Variants in COPG1 observed in about 807,000 individuals in gnomAD.
COPG1 encodes the protein coatomer subunit gamma-1.
Under a neutral mutation model 102.8 loss-of-function variants are expected in COPG1, and 29 were observed. The ratio of observed to expected loss-of-function variants is 0.28; its 90% CI spans 0.21 to 0.38. The LOEUF is 0.38. COPG1 is among the 10% of genes least tolerant of loss of function. The pLI is 1.00. For synonymous variants in COPG1, 406 were observed against 421.6 expected, an observed-to-expected ratio of 0.96 and a Z score of 0.45; for missense variants, 875 against 1,132.7, an observed-to-expected ratio of 0.77 and a Z score of 3.27.
chr3:129,268,068 T>C (rs370470323), intron 16 of COPG1, 28 bp downstream of exon 16: 1 of 1,558,456 alleles, frequency 6.4e-7, no homozygotes, highest in South Asian at 1.1e-5. Flanking sequence ...TATCTTGGAC[T>C]CAGCACCTTA....
At chr3:129,254,189 G>C in intron 5 of COPG1, 1 of 153,026 alleles carries the variant, frequency 6.5e-6, no homozygotes, top group Non-Finnish European at 1.5e-5. Context: ...CCCAGCTGCT[G>C]GGGAGGCTGA....
chr3:129,249,656 C>T lies in COPG1; in HGVS notation c.-54C>T, dbSNP rs369893163. The stretch of plus-strand genomic sequence containing the variant: ...TAGAACCACTGTGGCACCGCTACTC[C>T]GTGCCGCGCCCGTCGAGCATTGCGT... On this transcript the variant is annotated 5_prime_UTR_variant, in exon 1 of 24. Coordinates refer to ENST00000314797, the MANE Select transcript of COPG1 (RefSeq NM_016128.4). 1.9e-4 allele frequency: 295 copies of T among 1,545,540 alleles called. 3 individuals carry two copies. In the African/African-American group the frequency reaches 1.9e-3, roughly 10 times the overall value.
Position 129,268,631 on chromosome 3 carries a change from T to C in COPG1, c.1774+11T>C, listed in dbSNP as rs748056150. On this transcript the variant is annotated intron_variant, in intron 17 of 23. Coordinates refer to ENST00000314797, the MANE Select transcript of COPG1 (RefSeq NM_016128.4). ...CAGAGCAGAGAACAGGTAACACTTA[T>C]ACTCCTCCCAGAGGCCATCAAGGCC... is the stretch of plus-strand genomic sequence containing the variant. The C allele has an allele frequency of 5.0e-6, 8 of 1,613,658 alleles. No homozygotes were observed. The highest frequency in any genetic ancestry group is 1.7e-5 in the Admixed American group (1 of 59,972).
chr3:129,254,701 C>T lies in COPG1; in HGVS notation c.357C>T (p.Asn119=), dbSNP rs1210015644. The T allele has an allele frequency of 1.2e-6, 2 of 1,614,054 alleles. No homozygotes were observed. Among genetic ancestry groups the T allele is most frequent in the Non-Finnish European group, 1.7e-6 (2 of 1,180,034 alleles). ...LTKDMTGKED[N]YRGPAVRALC... Reference sequence around the variant, plus strand: ...AAGACATGACTGGGAAAGAAGACAACTACCGGGGCCCGGCCGTGCGAGCCC... The same window carrying T: ...AAGACATGACTGGGAAAGAAGACAATTACCGGGGCCCGGCCGTGCGAGCCC... The change falls in exon 6 of 24, where the codon AAC becomes AAT. Residue 119 remains asparagine (N), a synonymous_variant. Coordinates refer to ENST00000314797, the MANE Select transcript of COPG1 (RefSeq NM_016128.4).
At chr3:129,250,980 G>T in intron 2 of COPG1, 1 of 377,848 alleles carries the variant, frequency 2.6e-6, no homozygotes, top group Non-Finnish European at 4.8e-6. Context: ...CTGGAGTGCA[G>T]TGGCGTGATC....
At chr3:129,274,811 G>C in intron 21 of COPG1, 27 bp from the exon 22 acceptor site, 1 of 1,613,202 alleles carries the variant, frequency 6.2e-7, no homozygotes, top group Non-Finnish European at 8.5e-7. Context: ...GTAGATGGGT[G>C]CCTGATTTCT....
chr3:129,276,004 C>T (rs983013458), intron 23 of COPG1, among the ~76,000 whole-genome samples: 1 of 152,036 alleles, frequency 6.6e-6, no homozygotes, highest in African/African-American at 2.4e-5. Context: ...ACACAGTTTA[C>T]TTTGCATGTG....
intron 21 of COPG1, chr3:129,274,051 T>A (rs1245266674): frequency 4.4e-6 from 2 of 456,186 alleles, no homozygotes; most frequent in African/African-American, 2.0e-5. Flanking sequence ...CATTCGCCAT[T>A]GTGTCATCCT....
chr3:129,272,400 G>C lies in COPG1; in HGVS notation c.2143G>C (p.Glu715Gln), dbSNP rs778077586. ...TCYTLVALPK[E>Q]DPTAVACTFS... ...CTACACACTGGTGGCACTGCCCAAAGAAGACCCCACAGCTGGTGAGCCCCT... is the reference window on the plus strand; with the variant it reads ...CTACACACTGGTGGCACTGCCCAAACAAGACCCCACAGCTGGTGAGCCCCT... Residue 715 changes from glutamate (E) to glutamine (Q), a missense_variant, in exon 20 of 24, where the codon GAA becomes CAA. Glu to Gln is a conservative substitution (Grantham distance 29). Transcript: ENST00000314797. 1.6e-5 allele frequency: 26 copies of C among 1,613,590 alleles called. No homozygotes were observed. The highest frequency in any genetic ancestry group is 2.7e-5 in the African/African-American group (2 of 74,892).
At chr3:129,263,511 A>G (rs1035995430) in intron 12 of COPG1, among the ~76,000 whole-genome samples, 2 of 152,208 alleles carry the variant, frequency 1.3e-5, no homozygotes, top group African/African-American at 4.8e-5. Flanking sequence ...AGAAGCGGCC[A>G]AGGACAGAAT....
intron 2 of COPG1, among the ~76,000 whole-genome samples, chr3:129,251,072 C>T (rs1300703194): frequency 2.6e-5 from 4 of 151,200 alleles, no homozygotes; most frequent in African/African-American, 4.9e-5. Context: ...TACAGACGCC[C>T]GCCACCACAC....
In COPG1 at chr3:129,277,560, T is replaced by A. The variant is rs1940301518; in HGVS notation, c.*136T>A. ...TTAGGAATCATTGCAGATTTTTTTT[T>A]ATTCTGCTCCCACCTCCCACCCGGG... On this transcript the variant is annotated 3_prime_UTR_variant, in exon 24 of 24. Transcript: ENST00000314797. The A allele has an allele frequency of 3.1e-6, 3 of 971,254 alleles. No homozygotes were observed. The highest frequency in any genetic ancestry group is 3.0e-6 in the Non-Finnish European group (2 of 674,666). 60.2% of individuals were successfully genotyped at this position (971,254 alleles called of 1,614,324 possible). A position where few individuals can be genotyped will look rare whatever the true frequency, so the allele number is the denominator to read the frequency against.
chr3:129,255,241 C>T (rs931486877), intron 7 of COPG1, among the ~76,000 whole-genome samples, 164 bp downstream of exon 7: 2 of 151,744 alleles, frequency 1.3e-5, no homozygotes, highest in African/African-American at 4.8e-5. Context: ...TGCAGCGCCA[C>T]GATCTCGGCT....
chr3:129,263,755 C>A, intron 12 of COPG1, 149 bp from the exon 13 acceptor site: 1 of 673,726 alleles, frequency 1.5e-6, no homozygotes, highest in Non-Finnish European at 2.7e-6. Context: ...AAGCTTCAAG[C>A]GTGGAGTTGA....
chr3:129,252,434 C>T (rs1939719585), intron 3 of COPG1, 73 bp downstream of exon 3: 1 of 1,196,912 alleles, frequency 8.4e-7, no homozygotes, highest in South Asian at 1.2e-5. Flanking sequence ...ATCATGATCA[C>T]TCTTAGGCTA....
Position 129,256,085 on chromosome 3 carries a change from C to G in COPG1, c.510C>G (p.Ser170Arg), listed in dbSNP as rs756610545. ...LVSSLHLLKC[S>R]FDVVKRWVNE... is the part of the protein sequence containing the mutation. ...GCCCACAGCACCTGCTGAAGTGCAG[C>G]TTTGACGTGGTCAAGCGCTGGGTGA... is the stretch of plus-strand genomic sequence containing the variant. Residue 170 changes from serine (S) to arginine (R), a missense_variant, in exon 8 of 24, where the codon AGC becomes AGG. By Grantham distance (110) the Ser-to-Arg change is moderately radical (BLOSUM62 -1). Coordinates refer to ENST00000314797, the MANE Select transcript of COPG1 (RefSeq NM_016128.4). 6.2e-7 allele frequency: 1 copy of G among 1,613,706 alleles called. No homozygotes were observed. The highest frequency in any genetic ancestry group is 1.7e-5 in the Admixed American group (1 of 60,016).
chr3:129,263,014 CAAAA>C (rs1299713396), intron 12 of COPG1, among the ~76,000 whole-genome samples: 1 of 54,308 alleles, frequency 1.8e-5, no homozygotes. Flanking sequence ...GACTCCGTCT[CAAAA>C]AAAAAAAAAA....
chr3:129,269,209 G>A (rs75894109), intron 18 of COPG1, among the ~76,000 whole-genome samples: 3,844 of 152,260 alleles, frequency 0.025, 84 homozygotes, highest in Non-Finnish European at 0.036. Flanking sequence ...AGTAGTAGGA[G>A]GGGCTGGAAT....
At chr3:129,260,294 G>A (rs373912605) in intron 10 of COPG1, 39 bp from the exon 11 acceptor site, 4 of 1,601,108 alleles carry the variant, frequency 2.5e-6, no homozygotes, top group Non-Finnish European at 3.4e-6. Flanking sequence ...CTGCCCAGCA[G>A]TGAAGGCAAC....
Sources: allele counts gnomAD v4.1 joint callset (sites outside exome capture counted in the v4.1 genomes callset), GRCh38; gene constraint gnomAD v4.1.1; transcripts MANE v1.5; gene names NCBI Gene and HGNC (gene_info 2026-07-23, HGNC 2026-07-21).